CNBD1: variants seen among roughly 807,000 people sequenced by gnomAD.
CNBD1 encodes the protein cyclic nucleotide binding domain containing 1, also known as cyclic nucleotide-binding domain-containing protein 1.
Under a neutral mutation model 54.4 loss-of-function variants are expected in CNBD1, and 71 were observed. The ratio of observed to expected loss-of-function variants is 1.30; its 90% CI spans 1.08 to 1.59. The LOEUF is 1.59. CNBD1 is among the 40% of genes most tolerant of loss of function. The pLI, the probability that CNBD1 is intolerant of heterozygous loss-of-function variation, is 0.00. For synonymous variants in CNBD1, 182 were observed against 170.7 expected, an observed-to-expected ratio of 1.07 and a Z score of -0.51; for missense variants, 659 against 518.0, an observed-to-expected ratio of 1.27 and a Z score of -2.64.
In CNBD1 at chr8:87,284,741, A is replaced by G. The variant is rs1808659577; in HGVS notation, c.835A>G (p.Met279Val). The change falls in exon 7 of 11, where the codon ATG becomes GTG. Residue 279 changes from methionine (M) to valine (V), a missense_variant. Physicochemically the swap from Met to Val is conservative, Grantham distance 21. Transcript: ENST00000518476. The stretch of plus-strand genomic sequence containing the variant: ...GCCTCAGAATGAATCGGAAACACAG[A>G]TGTTCTCGGTGGTGACAGAAGACGA... ...VMPQNESETQMFSVVTEDDCE... is the reference protein window; with the variant it reads ...VMPQNESETQVFSVVTEDDCE... The G allele has an allele frequency of 6.9e-6, 11 of 1,604,814 alleles. No individual in the cohort carries two copies. The highest frequency in any genetic ancestry group is 9.4e-6 in the Non-Finnish European group (11 of 1,175,526).
chr8:87,268,224 A>T lies in CNBD1; in HGVS notation c.772-16454A>T, dbSNP rs551659815. Among the ~76,000 whole-genome samples, 15 of 152,240 alleles carry T rather than the reference A, an allele frequency of 9.9e-5. No individual in the cohort carries two copies. In the East Asian group the frequency reaches 2.9e-3, roughly 29 times the overall value. On this transcript the variant is annotated intron_variant, in intron 6 of 10. Coordinates refer to ENST00000518476, the MANE Select transcript of CNBD1 (RefSeq NM_173538.3). ...AAAGTATTTGGTTTTCTGTTTCTTC[A>T]TTAATTTACTTAGATAATGGCCTAC...
intron 6 of CNBD1, among the ~76,000 whole-genome samples, chr8:87,248,461 G>A (rs1005739233): frequency 2.0e-5 from 3 of 152,148 alleles, no homozygotes; most frequent in African/African-American, 7.2e-5. Flanking sequence ...TGATAAAGTG[G>A]TGGCCTTCAA....
At chr8:87,347,928 A>G (rs960792152) in intron 8 of CNBD1, among the ~76,000 whole-genome samples, 1 of 152,214 alleles carries the variant, frequency 6.6e-6, no homozygotes, top group African/African-American at 2.4e-5. Flanking sequence ...ATATTATTTT[A>G]GTAAGTTCTT....
chr8:87,426,893 CAA>C (rs1808060731), intron 2 of CNBD1, among the ~76,000 whole-genome samples: 2 of 152,242 alleles, frequency 1.3e-5, no homozygotes, highest in African/African-American at 2.4e-5. Flanking sequence ...CTAATATAAA[CAA>C]ATTTATAGGT....
chr8:87,044,339 T>G (rs1217274087), intron 4 of CNBD1, among the ~76,000 whole-genome samples: 1 of 152,162 alleles, frequency 6.6e-6, no homozygotes, highest in Non-Finnish European at 1.5e-5. Flanking sequence ...AATGGTTGTT[T>G]TTTCCTTCCC....
At chr8:87,317,799 C>A (rs1809423263) in intron 8 of CNBD1, among the ~76,000 whole-genome samples, 2 of 151,940 alleles carry the variant, frequency 1.3e-5, no homozygotes, top group South Asian at 4.1e-4. Context: ...CCTACTTCCT[C>A]TTTTCTGAGT....
chr8:87,003,020 A>C (rs989228587), intron 4 of CNBD1, among the ~76,000 whole-genome samples: 1 of 152,206 alleles, frequency 6.6e-6, no homozygotes, highest in Non-Finnish European at 1.5e-5. Flanking sequence ...AGCAATGACC[A>C]CCAGTTCATG....
At chr8:87,104,596 G>T (rs1586259223) in intron 4 of CNBD1, among the ~76,000 whole-genome samples, 1 of 152,142 alleles carries the variant, frequency 6.6e-6, no homozygotes, top group African/African-American at 2.4e-5. Flanking sequence ...AAGAAAAGAG[G>T]CTTTTATGGG....
chr8:87,260,137 T>G (rs1285890425), intron 6 of CNBD1, among the ~76,000 whole-genome samples: 2 of 152,182 alleles, frequency 1.3e-5, no homozygotes, highest in Non-Finnish European at 2.9e-5. Flanking sequence ...CATTGCCAGT[T>G]GGAGTCTGTA....
At chr8:86,893,001 C>A (rs998620187) in intron 2 of CNBD1, among the ~76,000 whole-genome samples, 4 of 152,052 alleles carry the variant, frequency 2.6e-5, no homozygotes, top group African/African-American at 9.7e-5. Context: ...GGTTTATGTA[C>A]ACATAAAAGA....
At chr8:87,224,710 T>G (rs901795683) in intron 5 of CNBD1, among the ~76,000 whole-genome samples, 2 of 151,706 alleles carry the variant, frequency 1.3e-5, no homozygotes, top group South Asian at 2.1e-4. Flanking sequence ...GGCTCAGGAT[T>G]GACTTGGCGA....
chr8:87,319,345 T>C (rs1251126750), intron 8 of CNBD1, among the ~76,000 whole-genome samples: 1 of 152,130 alleles, frequency 6.6e-6, no homozygotes, highest in African/African-American at 2.4e-5. Context: ...CATATTCCCA[T>C]AGGTATTTTT....
chr8:87,348,957 G>A (rs571471150), intron 8 of CNBD1, among the ~76,000 whole-genome samples: 1 of 152,212 alleles, frequency 6.6e-6, no homozygotes, highest in East Asian at 1.9e-4. Context: ...AATCAAGTTT[G>A]TTCTTTTCAT....
chr8:87,018,398 A>G (rs556734639), intron 4 of CNBD1, among the ~76,000 whole-genome samples: 25 of 152,218 alleles, frequency 1.6e-4, no homozygotes, highest in African/African-American at 5.3e-4. Context: ...AAGGTGGCTA[A>G]AAAAAATTGT....
intron 4 of CNBD1, among the ~76,000 whole-genome samples, chr8:86,980,855 T>C (rs1340938136): frequency 2.6e-5 from 4 of 152,210 alleles, no homozygotes; most frequent in African/African-American, 9.6e-5. Context: ...GACTTAGATC[T>C]GGAGCACAAA....
At chr8:87,141,816 T>G (rs1344511789) in intron 4 of CNBD1, among the ~76,000 whole-genome samples, 5 of 152,144 alleles carry the variant, frequency 3.3e-5, no homozygotes, top group African/African-American at 1.2e-4. Flanking sequence ...TTTTATATTC[T>G]GAAAGAATGG....
chr8:86,870,189 C>CTTTTTTTTTTTTTTTTTTT (rs71275890), intron 1 of CNBD1, among the ~76,000 whole-genome samples: 31 of 100,596 alleles, frequency 3.1e-4, no homozygotes, highest in South Asian at 7.5e-4. Flanking sequence ...AGATAGTACT[C>CTTTTTTTTTTTTTTTTTTT]TTTTTTTTTT....
At chr8:87,355,879 A>G (rs1810409768) in intron 10 of CNBD1, among the ~76,000 whole-genome samples, 1 of 152,136 alleles carries the variant, frequency 6.6e-6, no homozygotes, top group Non-Finnish European at 1.5e-5. Flanking sequence ...TTTTTGGGTC[A>G]AGGAGATGGA....
chr8:87,074,443 C>T (rs965875769), intron 4 of CNBD1, among the ~76,000 whole-genome samples: 1 of 152,146 alleles, frequency 6.6e-6, no homozygotes, highest in African/African-American at 2.4e-5. Context: ...AGACAGATCT[C>T]CCACCTTTTT....
Sources: gnomAD v4.1 joint callset for allele counts (sites outside exome capture counted in the v4.1 genomes callset) on GRCh38, gnomAD v4.1.1 for gene constraint, MANE v1.5 for transcripts, NCBI Gene and HGNC (gene_info 2026-07-23, HGNC 2026-07-21) for gene names.